DDR2: variants seen among roughly 807,000 people sequenced by gnomAD.
DDR2 encodes the protein discoidin domain-containing receptor 2.
DDR2 carries 27 observed loss-of-function variants against 94.9 expected under a neutral mutation model. The ratio of observed to expected loss-of-function variants is 0.28; its 90% CI spans 0.21 to 0.39. DDR2 has a LOEUF of 0.39. Ranked by LOEUF, DDR2 falls within the 10% of genes least tolerant of loss-of-function variation. The probability of loss-of-function intolerance (pLI) is 1.00; values close to 1 mark genes in which losing one functional copy is unlikely to be tolerated. For missense variants in DDR2, 783 were observed against 1,076.0 expected, an observed-to-expected ratio of 0.73 and a Z score of 3.81; for synonymous variants, 382 against 377.2, an observed-to-expected ratio of 1.01 and a Z score of -0.15.
At chr1:162,690,698 C>T (rs762583565) in intron 2 of DDR2, among the ~76,000 whole-genome samples, 4 of 152,048 alleles carry the variant, frequency 2.6e-5, no homozygotes, top group African/African-American at 7.2e-5. Context: ...TTTGAAATTT[C>T]TGAGTAAATA....
chr1:162,673,356 G>A (rs369388203), intron 2 of DDR2, among the ~76,000 whole-genome samples: 15 of 152,226 alleles, frequency 9.9e-5, no homozygotes, highest in African/African-American at 3.1e-4. Context: ...GCAGGGAAGA[G>A]CTCCATTAAT....
rs139910002 is a variant in DDR2, at chr1:162,638,608, G to A, written c.-192+5977G>A. On this transcript the variant is annotated intron_variant, in intron 1 of 17. Transcript: ENST00000367921. ...TCGCACTTTGGAAGTCCTTGTGGGA[G>A]CCATACCAAAATGCCTTGCAGTACT... Among the ~76,000 whole-genome samples the A allele has an allele frequency of 2.6e-3, 398 of 152,310 alleles. 2 individuals carry two copies. Among genetic ancestry groups the A allele is most frequent in the African/African-American group, 9.1e-3 (377 of 41,566 alleles).
At chr1:162,658,849 T>TAAATAAATAAATAAAA (rs1332048807) in intron 2 of DDR2, among the ~76,000 whole-genome samples, 1 of 151,076 alleles carries the variant, frequency 6.6e-6, no homozygotes, top group African/African-American at 2.4e-5. Flanking sequence ...AATAAATAAA[T>TAAATAAATAAATAAAA]AAAAGTTCTT....
At chr1:162,719,176 G>C in intron 3 of DDR2, 31 bp downstream of exon 3, 1 of 1,613,414 alleles carries the variant, frequency 6.2e-7, no homozygotes, top group African/African-American at 1.3e-5. Context: ...CTATATGCTA[G>C]AAGACCAGCA....
In DDR2 at chr1:162,784,877, C is replaced by T. The variant is rs1486581643; in HGVS notation, c.*4631C>T. ...ATAATGCTATTAACTAAACTACAGA[C>T]CTTTTTTCAATTTCGCCAGTTTTTC... On this transcript the variant is annotated 3_prime_UTR_variant, in exon 18 of 18. Coordinates refer to ENST00000367921, the MANE Select transcript of DDR2 (RefSeq NM_006182.4). 1.3e-5 allele frequency: 2 copies of T among 152,152 alleles called. No individual in the cohort carries two copies. The highest frequency in any genetic ancestry group is 2.1e-4 in the South Asian group (1 of 4,828). 9.4% of individuals were successfully genotyped at this position (152,152 alleles called of 1,614,324 possible).
chr1:162,760,982 G>A (rs1333000709), intron 8 of DDR2, among the ~76,000 whole-genome samples: 1 of 151,668 alleles, frequency 6.6e-6, no homozygotes, highest in Non-Finnish European at 1.5e-5. Flanking sequence ...AAAAAAAAAT[G>A]AAATTGTTTT....
At chr1:162,753,220 A>G in intron 4 of DDR2, 23 bp downstream of exon 4, 8 of 1,607,618 alleles carry the variant, frequency 5.0e-6, no homozygotes, top group Non-Finnish European at 6.8e-6. Context: ...ACATCAAGAA[A>G]GCCCATGTTC....
intron 3 of DDR2, among the ~76,000 whole-genome samples, chr1:162,724,214 C>T (rs1291985391): frequency 1.3e-5 from 2 of 152,284 alleles, no homozygotes; most frequent in African/African-American, 4.8e-5. Context: ...CTCCCAATCC[C>T]AGGTGACTTC....
At chr1:162,741,258 G>A (rs376116510) in intron 3 of DDR2, among the ~76,000 whole-genome samples, 1,726 of 106,002 alleles carry the variant, frequency 0.016, 24 homozygotes, top group African/African-American at 0.039. Flanking sequence ...ATAATGTAAT[G>A]TAATGTAATA....
At chr1:162,657,254 AT>A (rs1258654643) in intron 2 of DDR2, among the ~76,000 whole-genome samples, 3 of 152,058 alleles carry the variant, frequency 2.0e-5, no homozygotes, top group African/African-American at 7.2e-5. Flanking sequence ...CCCCACTGTC[AT>A]ATTATCCCTG....
intron 2 of DDR2, among the ~76,000 whole-genome samples, chr1:162,674,000 C>T (rs538461566): frequency 2.3e-4 from 35 of 152,144 alleles, no homozygotes; most frequent in African/African-American, 8.2e-4. Flanking sequence ...TGCTTTTGTC[C>T]CTCCAATTTA....
In DDR2 at chr1:162,754,868, G is replaced by C. The variant is rs2102135297; in HGVS notation, c.417+13G>C. On this transcript the variant is annotated intron_variant, in intron 5 of 17. Coordinates refer to ENST00000367921, the MANE Select transcript of DDR2 (RefSeq NM_006182.4). ...TCATGGGAAACAGGTAGGAAGAAGA[G>C]ACATCCAGATCCTGGATGTCCAAGA... is the stretch of plus-strand genomic sequence containing the variant. The C allele has an allele frequency of 1.4e-5, 22 of 1,613,822 alleles. No individual in the cohort carries two copies. The highest frequency in any genetic ancestry group is 1.9e-5 in the Non-Finnish European group (22 of 1,179,878).
At chr1:162,752,993 C>T (rs1161896478) in intron 3 of DDR2, 102 bp from the exon 4 acceptor site, 1 of 1,021,682 alleles carries the variant, frequency 9.8e-7, no homozygotes, top group Non-Finnish European at 1.5e-6. Context: ...GATGTAAATT[C>T]TCTTATTCCT....
chr1:162,643,521 A>C (rs1316248489), intron 1 of DDR2, among the ~76,000 whole-genome samples: 1 of 152,036 alleles, frequency 6.6e-6, no homozygotes, highest in African/African-American at 2.4e-5. Context: ...TCGCTCTGTC[A>C]CCCAGGCTGG....
chr1:162,717,178 G>A (rs1661208369), intron 2 of DDR2, among the ~76,000 whole-genome samples: 1 of 151,974 alleles, frequency 6.6e-6, no homozygotes, highest in African/African-American at 2.4e-5. Context: ...TGGGATTACA[G>A]GCACCCACCA....
chr1:162,685,665 T>C (rs1019721186), intron 2 of DDR2, among the ~76,000 whole-genome samples: 1 of 152,122 alleles, frequency 6.6e-6, no homozygotes, highest in Non-Finnish European at 1.5e-5. Context: ...GGATGCTCCC[T>C]AGGCAAGGAA....
At chr1:162,729,280 TTA>T (rs1194740607) in intron 3 of DDR2, among the ~76,000 whole-genome samples, 9 of 69,760 alleles carry the variant, frequency 1.3e-4, no homozygotes, top group South Asian at 6.3e-4. Flanking sequence ...GCATATCCAT[TTA>T]TATATATATA....
At chr1:162,706,811 G>A (rs1002153859) in intron 2 of DDR2, among the ~76,000 whole-genome samples, 4 of 152,146 alleles carry the variant, frequency 2.6e-5, no homozygotes, top group African/African-American at 9.7e-5. Flanking sequence ...TTAATCGCCT[G>A]GAACAAACAT....
chr1:162,734,195 C>A (rs1662190904), intron 3 of DDR2, among the ~76,000 whole-genome samples: 1 of 152,136 alleles, frequency 6.6e-6, no homozygotes, highest in Non-Finnish European at 1.5e-5. Flanking sequence ...AGATAGGTTG[C>A]AATAAAATAT....
Sources: gnomAD v4.1 joint callset for allele counts (sites outside exome capture counted in the v4.1 genomes callset) on GRCh38, gnomAD v4.1.1 for gene constraint, MANE v1.5 for transcripts, NCBI Gene and HGNC (gene_info 2026-07-23, HGNC 2026-07-21) for gene names.